Variants in NEIL3 observed in about 807,000 individuals in gnomAD.
NEIL3 encodes nei like DNA glycosylase 3, also known as endonuclease 8-like 3.
NEIL3 carries 48 observed loss-of-function variants against 57.5 expected under a neutral mutation model. The ratio of observed to expected loss-of-function variants is 0.83; its 90% CI spans 0.66 to 1.06. NEIL3 has a LOEUF of 1.06. Ranked by LOEUF, NEIL3 falls within the 50% of genes least tolerant of loss-of-function variation. The probability of loss-of-function intolerance (pLI) is 0.00; values close to 1 mark genes in which losing one functional copy is unlikely to be tolerated. For missense variants in NEIL3, 717 were observed against 739.1 expected (o/e 0.97, Z 0.35); for synonymous variants, 261 against 253.2 (o/e 1.03, Z -0.29).
At chr4:177,349,483 C>G (rs2110925415) in intron 6 of NEIL3, among the ~76,000 whole-genome samples, 1 of 152,208 alleles carries the variant, frequency 6.6e-6, no homozygotes, top group East Asian at 1.9e-4. Context: ...TGGTGTGTAT[C>G]AAATCTCCCC....
In NEIL3 at chr4:177,322,521, C is replaced by T; in HGVS notation, c.219C>T (p.Tyr73=). Reference sequence around the variant, plus strand: ...TGAGCCTGTTTAATGGATATGTTTACAGTGGCGTGGAAACTTTGGGGAAGG... The same window carrying T: ...TGAGCCTGTTTAATGGATATGTTTATAGTGGCGTGGAAACTTTGGGGAAGG... The part of the protein sequence containing the change: ...NVLSLFNGYV[Y]SGVETLGKEL... Residue 73 remains tyrosine, a synonymous_variant, in exon 2 of 10, where the codon TAC becomes TAT. Coordinates refer to ENST00000264596, the MANE Select transcript of NEIL3 (RefSeq NM_018248.3). The T allele has an allele frequency of 6.2e-7, 1 of 1,613,888 alleles. No homozygotes were observed.
At chr4:177,351,621 C>A (rs1735355516) in intron 7 of NEIL3, 72 bp downstream of exon 7, 1 of 1,177,428 alleles carries the variant, frequency 8.5e-7, no homozygotes, top group Non-Finnish European at 1.2e-6. Context: ...AGGAATATAT[C>A]TTGCTCCATC....
chr4:177,357,559 C>T (rs1334617179), intron 8 of NEIL3, among the ~76,000 whole-genome samples: 1 of 152,130 alleles, frequency 6.6e-6, no homozygotes, highest in East Asian at 1.9e-4. Context: ...TGTCTTCCTT[C>T]TTGATGATAG....
chr4:177,330,283 G>A (rs1302991258), intron 2 of NEIL3, among the ~76,000 whole-genome samples: 1 of 152,112 alleles, frequency 6.6e-6, no homozygotes, highest in Non-Finnish European at 1.5e-5. Flanking sequence ...AAGGAACTTA[G>A]AACATATTTT....
intron 1 of NEIL3, among the ~76,000 whole-genome samples, chr4:177,314,849 G>C (rs140144891): frequency 6.6e-6 from 1 of 151,900 alleles, no homozygotes; most frequent in Non-Finnish European, 1.5e-5. Flanking sequence ...AGGCTGAGGC[G>C]GGCAGATCAC....
chr4:177,370,712 C>T, the NEIL3 span, among the ~76,000 whole-genome samples: 265 of 152,144 alleles, frequency 1.7e-3, no homozygotes, highest in Admixed American at 5.2e-3. Flanking sequence ...ATCAGCCTGG[C>T]CAACACGGTA....
Position 177,360,561 on chromosome 4 carries a change from T to G in NEIL3, c.1519T>G (p.Cys507Gly), listed in dbSNP as rs370522024. The G allele has an allele frequency of 1.2e-6, 2 of 1,613,990 alleles. No individual in the cohort carries two copies. Among genetic ancestry groups the G allele is most frequent in the African/African-American group, 2.7e-5 (2 of 74,926 alleles). ...TACCTTAAATCCTGACAGCCCTCGC[T>G]GCAGTAAACACAACCGCCTCTGCAT... Reference protein sequence around the residue: ...PRTLNPDSPRCSKHNRLCILR... With the variant: ...PRTLNPDSPRGSKHNRLCILR... The change falls in exon 9 of 10, where the codon TGC becomes GGC. Residue 507 changes from cysteine (C) to glycine (G), a missense_variant. By Grantham distance (159) the Cys-to-Gly change is radical (BLOSUM62 -3). Transcript: ENST00000264596.
chr4:177,361,516 A>G (rs17064725), intron 9 of NEIL3, among the ~76,000 whole-genome samples: 14,747 of 152,218 alleles, frequency 0.097, 805 homozygotes, highest in South Asian at 0.17. Flanking sequence ...TTAGACCTCA[A>G]TCTCTAAACA....
intron 7 of NEIL3, among the ~76,000 whole-genome samples, chr4:177,351,881 G>A (rs1193282077): frequency 4.6e-5 from 7 of 152,130 alleles, no homozygotes; most frequent in Non-Finnish European, 8.8e-5. Context: ...TTTCGAGTTT[G>A]TTATTCAGTC....
At chr4:177,332,736 A>C (rs1255600131) in intron 2 of NEIL3, among the ~76,000 whole-genome samples, 2 of 152,076 alleles carry the variant, frequency 1.3e-5, no homozygotes, top group Non-Finnish European at 2.9e-5. Context: ...CAGTATGTAA[A>C]AGTTTGTTGA....
intron 8 of NEIL3, among the ~76,000 whole-genome samples, chr4:177,359,548 T>G (rs888350276): frequency 3.9e-5 from 6 of 152,120 alleles, no homozygotes; most frequent in Non-Finnish European, 8.8e-5. Flanking sequence ...TTTTAACAAT[T>G]ATTTAAGAAT....
the NEIL3 span, among the ~76,000 whole-genome samples, chr4:177,370,753 T>C: frequency 6.6e-6 from 1 of 151,904 alleles, no homozygotes; most frequent in Non-Finnish European, 1.5e-5. Context: ...ATACAAAAAC[T>C]AGTCTGGTGT....
At chr4:177,341,305 C>A (rs1735085781) in intron 5 of NEIL3, among the ~76,000 whole-genome samples, 171 bp from the exon 6 acceptor site, 1 of 152,096 alleles carries the variant, frequency 6.6e-6, no homozygotes, top group South Asian at 2.1e-4. Context: ...ATTACCAAAT[C>A]TTGTCAATAC....
chr4:177,369,846 A>G, the NEIL3 span, among the ~76,000 whole-genome samples: 362 of 152,318 alleles, frequency 2.4e-3, no homozygotes, highest in African/African-American at 8.2e-3. Context: ...TGAGGATAAA[A>G]TAAAATATCC....
intron 6 of NEIL3, among the ~76,000 whole-genome samples, chr4:177,344,911 G>A (rs1390201370): frequency 6.6e-6 from 1 of 152,010 alleles, no homozygotes; most frequent in African/African-American, 2.4e-5. Flanking sequence ...ATGTATGTGA[G>A]TATTATTTCC....
chr4:177,353,816 A>G (rs1735416744), intron 8 of NEIL3, 88 bp downstream of exon 8: 2 of 1,154,490 alleles, frequency 1.7e-6, no homozygotes, highest in African/African-American at 1.6e-5. Context: ...CCTAGGCTAC[A>G]GTGCAGTGGT....
At chr4:177,331,443 A>C (rs896510489) in intron 2 of NEIL3, among the ~76,000 whole-genome samples, 3 of 151,660 alleles carry the variant, frequency 2.0e-5, no homozygotes, top group African/African-American at 7.2e-5. Flanking sequence ...AATCATTAAC[A>C]TATTAATAAC....
chr4:177,311,674 CAAA>C (rs763838033), intron 1 of NEIL3, among the ~76,000 whole-genome samples: 5 of 58,614 alleles, frequency 8.5e-5, no homozygotes, highest in East Asian at 8.5e-4. Flanking sequence ...AACTCTGTCT[CAAA>C]AAAAAAAAAA....
intron 8 of NEIL3, among the ~76,000 whole-genome samples, chr4:177,359,459 C>T (rs1735561906): frequency 6.6e-6 from 1 of 151,844 alleles, no homozygotes; most frequent in African/African-American, 2.4e-5. Context: ...TGCATTGAGG[C>T]ATCATAGAAA....
Sources: gnomAD v4.1 joint callset for allele counts (sites outside exome capture counted in the v4.1 genomes callset) on GRCh38, gnomAD v4.1.1 for gene constraint, MANE v1.5 for transcripts, NCBI Gene and HGNC (gene_info 2026-07-23, HGNC 2026-07-21) for gene names.